OSBPL6: variants seen among roughly 807,000 people sequenced by gnomAD.
OSBPL6 encodes oxysterol-binding protein-related protein 6.
A neutral mutation model predicts 125.8 loss-of-function variants in OSBPL6; 49 were observed. The observed-to-expected ratio is 0.39, with a 90% confidence interval of 0.31 to 0.49. OSBPL6 has a LOEUF of 0.49. OSBPL6 is among the 20% of genes least tolerant of loss of function. The pLI is 0.88. For missense variants in OSBPL6, 986 were observed against 1,135.4 expected, an observed-to-expected ratio of 0.87 and a Z score of 1.89; for synonymous variants, 394 against 391.8, an observed-to-expected ratio of 1.01 and a Z score of -0.07.
chr2:178,352,368 C>T (rs1448480133), intron 12 of OSBPL6, among the ~76,000 whole-genome samples: 3 of 152,170 alleles, frequency 2.0e-5, no homozygotes, highest in Admixed American at 6.5e-5. Flanking sequence ...CCTGGAAAAA[C>T]GGGACACTTC....
intron 1 of OSBPL6, among the ~76,000 whole-genome samples, chr2:178,252,841 T>A (rs2091745334): frequency 6.6e-6 from 1 of 152,072 alleles, no homozygotes; most frequent in South Asian, 2.1e-4. Flanking sequence ...TTATTTGGGA[T>A]CTTCCACTAA....
intron 2 of OSBPL6, among the ~76,000 whole-genome samples, chr2:178,293,805 C>T (rs1379550340): frequency 6.6e-6 from 1 of 152,080 alleles, no homozygotes; most frequent in Non-Finnish European, 1.5e-5. Flanking sequence ...TTCCCAGCCT[C>T]TGCCAACTAA....
At position 178,291,665 on chromosome 2, in the gene OSBPL6, T is replaced by TCTTCCTTCCTTCCTTCCTTC. The variant is rs71023439; in HGVS notation, c.-156+6565_-156+6584dup. On this transcript the variant is annotated intron_variant, in intron 2 of 24. Transcript: ENST00000190611. ...ATAGAAAATATAGGAACAGGTAGTC[T>TCTTCCTTCCTTCCTTCCTTC]CTTCCTTCCTTCCTTCCTTCCTTCC... Among the ~76,000 whole-genome samples, 902 of 135,502 alleles carry TCTTCCTTCCTTCCTTCCTTC rather than the reference T, an allele frequency of 6.7e-3. 11 individuals are homozygous for TCTTCCTTCCTTCCTTCCTTC. The highest frequency in any genetic ancestry group is 0.021 in the African/African-American group (750 of 36,548). The allele number at this position is 135,502 out of a possible 152,430, so 88.9% of individuals were successfully genotyped here.
chr2:178,218,656 G>A (rs991345701), intron 1 of OSBPL6, among the ~76,000 whole-genome samples: 34 of 139,084 alleles, frequency 2.4e-4, no homozygotes, highest in African/African-American at 8.8e-4. Context: ...TTCTGATGGA[G>A]TCTTGCTCTG....
chr2:178,282,577 T>A (rs1356885347), intron 1 of OSBPL6, among the ~76,000 whole-genome samples: 1 of 152,188 alleles, frequency 6.6e-6, no homozygotes, highest in East Asian at 1.9e-4. Flanking sequence ...TTTATCAGTG[T>A]CTTCTCTGTT....
chr2:178,200,854 G>A (rs760409575), intron 1 of OSBPL6, among the ~76,000 whole-genome samples: 5 of 151,828 alleles, frequency 3.3e-5, no homozygotes, highest in African/African-American at 1.2e-4. Flanking sequence ...GGAGTGCAGT[G>A]GCGCGATCTC....
At chr2:178,211,309 A>G (rs1247028391) in intron 1 of OSBPL6, among the ~76,000 whole-genome samples, 1 of 152,212 alleles carries the variant, frequency 6.6e-6, no homozygotes, top group Non-Finnish European at 1.5e-5. Flanking sequence ...CAAAAAAGTC[A>G]AGGAGGTCCT....
In OSBPL6 at chr2:178,205,663, A is replaced by G. The variant is rs149378543; in HGVS notation, c.-351+10989A>G. The stretch of plus-strand genomic sequence containing the variant: ...TGCAGAGGACAAAAAATCAAGCAGC[A>G]CAGCAGGAGATATTTCCCGTATATA... On this transcript the variant is annotated intron_variant, in intron 1 of 24. Coordinates refer to ENST00000190611, the MANE Select transcript of OSBPL6 (RefSeq NM_032523.4). Among the ~76,000 whole-genome samples the G allele has an allele frequency of 2.6e-4, 39 of 152,328 alleles. No individual in the cohort carries two copies. The East Asian group carries it at 7.5e-3, about 29-fold the overall frequency.
intron 2 of OSBPL6, among the ~76,000 whole-genome samples, chr2:178,290,081 CAATAATCATTGCCTG>C (rs1414578777): frequency 1.3e-5 from 2 of 152,210 alleles, no homozygotes; most frequent in African/African-American, 4.8e-5. Flanking sequence ...TTTTGTCAGC[CAATAATCATTGCCTG>C]AATACATTAT....
intron 12 of OSBPL6, among the ~76,000 whole-genome samples, chr2:178,352,976 A>T (rs1026435086): frequency 3.9e-5 from 6 of 152,186 alleles, no homozygotes; most frequent in African/African-American, 1.2e-4. Flanking sequence ...CCTCCAGCAA[A>T]CTCCAACAGA....
chr2:178,306,833 C>G (rs142165775), intron 3 of OSBPL6, among the ~76,000 whole-genome samples: 1 of 152,162 alleles, frequency 6.6e-6, no homozygotes, highest in African/African-American at 2.4e-5. Flanking sequence ...TGGTAGAAAA[C>G]GCCCATGGTC....
At chr2:178,322,965 A>G (rs1036074088) in intron 3 of OSBPL6, among the ~76,000 whole-genome samples, 6 of 151,482 alleles carry the variant, frequency 4.0e-5, no homozygotes, top group African/African-American at 1.5e-4. Context: ...TAGTCTTTAC[A>G]GTAGGGAAGT....
intron 13 of OSBPL6, among the ~76,000 whole-genome samples, chr2:178,369,338 T>C (rs1318493193): frequency 1.3e-5 from 2 of 152,178 alleles, no homozygotes; most frequent in Non-Finnish European, 2.9e-5. Context: ...CCCCATAAAG[T>C]ATAGAAATTC....
At chr2:178,231,427 C>T (rs909909132) in intron 1 of OSBPL6, among the ~76,000 whole-genome samples, 2 of 152,090 alleles carry the variant, frequency 1.3e-5, no homozygotes, top group African/African-American at 2.4e-5. Flanking sequence ...GGCATTCACC[C>T]GTGCAGGCTT....
At position 178,228,351 on chromosome 2, in the gene OSBPL6, T is replaced by C. The variant is rs140847660; in HGVS notation, c.-351+33677T>C. ...GAGATCGAGACCATCCTGGCTAACA[T>C]GGTGAAACACCATCTCTACTAAAAA... On this transcript the variant is annotated intron_variant, in intron 1 of 24. Transcript: ENST00000190611. Among the ~76,000 whole-genome samples, 1,481 of 152,146 alleles carry C rather than the reference T, an allele frequency of 9.7e-3. 19 individuals carry two copies. Among genetic ancestry groups the C allele is most frequent in the African/African-American group, 0.011 (469 of 41,524 alleles).
At chr2:178,341,302 T>G (rs1296913544) in intron 11 of OSBPL6, among the ~76,000 whole-genome samples, 1 of 151,378 alleles carries the variant, frequency 6.6e-6, no homozygotes, top group East Asian at 1.9e-4. Flanking sequence ...TTGCTGCATC[T>G]AGGAGCTCCA....
chr2:178,250,431 C>G (rs1021645692), intron 1 of OSBPL6, among the ~76,000 whole-genome samples: 3 of 152,198 alleles, frequency 2.0e-5, no homozygotes, highest in African/African-American at 7.2e-5. Flanking sequence ...TAGGCCCAGT[C>G]CTCACATGAT....
chr2:178,271,550 T>C (rs2154024991), intron 1 of OSBPL6, among the ~76,000 whole-genome samples: 1 of 152,280 alleles, frequency 6.6e-6, no homozygotes, highest in East Asian at 1.9e-4. Context: ...ATGAAAAATG[T>C]TACAGATTAT....
At chr2:178,340,602 C>G (rs982666061) in intron 11 of OSBPL6, among the ~76,000 whole-genome samples, 1 of 151,954 alleles carries the variant, frequency 6.6e-6, no homozygotes, top group Non-Finnish European at 1.5e-5. Flanking sequence ...TATTCTCCTC[C>G]TAAATGCATA....
Sources: gnomAD v4.1 joint callset for allele counts (sites outside exome capture counted in the v4.1 genomes callset) on GRCh38, gnomAD v4.1.1 for gene constraint, MANE v1.5 for transcripts, NCBI Gene and HGNC (gene_info 2026-07-23, HGNC 2026-07-21) for gene names.